Variants in RBFOX1 observed in about 807,000 individuals in gnomAD.
RBFOX1 encodes the protein RNA binding fox-1 homolog 1.
Under a neutral mutation model 57.7 loss-of-function variants are expected in RBFOX1, and 8 were observed. That is an observed-to-expected ratio of 0.14 (90% CI 0.08 to 0.25). The LOEUF (loss-of-function observed/expected upper bound fraction) is 0.25, where lower values mean the gene tolerates loss of function less well. Among genes scored for constraint, RBFOX1 ranks in the 10% least tolerant of loss-of-function variants. The pLI, the probability that RBFOX1 is intolerant of heterozygous loss-of-function variation, is 1.00. For missense variants in RBFOX1, 611 were observed against 548.5 expected, an observed-to-expected ratio of 1.11 and a Z score of -1.14; for synonymous variants, 326 against 222.4, an observed-to-expected ratio of 1.47 and a Z score of -4.15.
chr16:5,415,041 A>T (rs571728443), intron 1 of RBFOX1, among the ~76,000 whole-genome samples: 1 of 152,260 alleles, frequency 6.6e-6, no homozygotes, highest in East Asian at 1.9e-4. Flanking sequence ...GACCCCGTTT[A>T]TCATTCCCAT....
At chr16:7,009,311 T>C (rs2093531172) in intron 3 of RBFOX1, among the ~76,000 whole-genome samples, 1 of 149,514 alleles carries the variant, frequency 6.7e-6, no homozygotes, top group South Asian at 2.2e-4. Context: ...CTTCCTTCTT[T>C]CTCTTTCTTT....
chr16:7,328,816 A>G (rs575683701), intron 4 of RBFOX1: 1 of 152,142 alleles, frequency 6.6e-6, no homozygotes, highest in Non-Finnish European at 1.5e-5. Flanking sequence ...AGTATTTGCC[A>G]TTGTCTTGAA....
chr16:6,163,152 C>T (rs2096891957), intron 1 of RBFOX1, among the ~76,000 whole-genome samples: 2 of 152,214 alleles, frequency 1.3e-5, no homozygotes, highest in African/African-American at 2.4e-5. Context: ...AAGTAGATAC[C>T]TAGAATGGGA....
chr16:7,141,032 T>C (rs1008274777), intron 4 of RBFOX1, among the ~76,000 whole-genome samples: 1 of 152,138 alleles, frequency 6.6e-6, no homozygotes, highest in African/African-American at 2.4e-5. Context: ...TTTGCAGAGC[T>C]CTGCCAGGAA....
At chr16:6,836,610 G>A (rs1402006850) in intron 3 of RBFOX1, among the ~76,000 whole-genome samples, 1 of 152,168 alleles carries the variant, frequency 6.6e-6, no homozygotes, top group Non-Finnish European at 1.5e-5. Context: ...CTCAAGGGGT[G>A]TATCTTCTGT....
chr16:6,172,286 A>G (rs1203323480), intron 1 of RBFOX1, among the ~76,000 whole-genome samples: 1 of 151,348 alleles, frequency 6.6e-6, no homozygotes, highest in Admixed American at 6.6e-5. Flanking sequence ...GGGAGATACA[A>G]CGTCCTCATC....
chr16:5,420,695 G>A (rs1474477399), intron 1 of RBFOX1, among the ~76,000 whole-genome samples: 1 of 152,028 alleles, frequency 6.6e-6, no homozygotes, highest in Non-Finnish European at 1.5e-5. Flanking sequence ...CACCATGCCT[G>A]GCTAATTTTT....
intron 3 of RBFOX1, among the ~76,000 whole-genome samples, chr16:6,860,281 T>A (rs2058758809): frequency 6.6e-6 from 1 of 152,222 alleles, no homozygotes; most frequent in South Asian, 2.1e-4. Flanking sequence ...AATACATTAT[T>A]TAATGTCTGA....
intron 3 of RBFOX1, among the ~76,000 whole-genome samples, chr16:5,848,290 T>G (rs945722406): frequency 2.0e-5 from 3 of 152,170 alleles, no homozygotes; most frequent in Non-Finnish European, 4.4e-5. Flanking sequence ...CCACCACCAG[T>G]GGACTCTATC....
At chr16:5,346,915 T>C (rs2065152625) in intron 1 of RBFOX1, among the ~76,000 whole-genome samples, 1 of 152,226 alleles carries the variant, frequency 6.6e-6, no homozygotes. Flanking sequence ...GCATTCAGAA[T>C]GGACCCTGGC....
intron 11 of RBFOX1, among the ~76,000 whole-genome samples, chr16:7,651,380 A>G (rs1305491554): frequency 1.3e-5 from 2 of 152,146 alleles, no homozygotes; most frequent in Non-Finnish European, 2.9e-5. Context: ...TACCCTATCT[A>G]TGGGTGTAGG....
intron 4 of RBFOX1, among the ~76,000 whole-genome samples, chr16:7,100,461 C>A (rs1567255278): frequency 6.6e-6 from 1 of 151,944 alleles, no homozygotes; most frequent in Admixed American, 6.6e-5. Context: ...TACCCATTTT[C>A]CTCCAAAACA....
At chr16:5,436,070 A>G (rs756882599) in intron 1 of RBFOX1, among the ~76,000 whole-genome samples, 1 of 152,196 alleles carries the variant, frequency 6.6e-6, no homozygotes, top group Non-Finnish European at 1.5e-5. Flanking sequence ...CCGTCTTCAT[A>G]TTTGGCCTCC....
chr16:6,498,631 C>A (rs538389301), intron 2 of RBFOX1, among the ~76,000 whole-genome samples: 1 of 152,142 alleles, frequency 6.6e-6, no homozygotes, highest in Non-Finnish European at 1.5e-5. Context: ...TAGTTCCTAG[C>A]ACAATGTCTG....
intron 2 of RBFOX1, among the ~76,000 whole-genome samples, chr16:6,587,218 C>G (rs1355916932): frequency 1.3e-5 from 2 of 152,140 alleles, no homozygotes; most frequent in Non-Finnish European, 2.9e-5. Context: ...ATTCTGTTCT[C>G]TGCATTTATG....
intron 3 of RBFOX1, among the ~76,000 whole-genome samples, chr16:5,760,288 A>G (rs2053547385): frequency 6.6e-6 from 1 of 152,142 alleles, no homozygotes; most frequent in Non-Finnish European, 1.5e-5. Context: ...ATTGGTAAAC[A>G]AGACAAAATT....
chr16:6,357,552 T>G (rs993946003), intron 2 of RBFOX1, among the ~76,000 whole-genome samples: 1 of 151,362 alleles, frequency 6.6e-6, no homozygotes, highest in Admixed American at 6.6e-5. Context: ...GCACAAGCGC[T>G]CTCTCTCTTG....
intron 4 of RBFOX1, among the ~76,000 whole-genome samples, chr16:7,174,962 A>G (rs1306908460): frequency 6.6e-6 from 1 of 152,166 alleles, no homozygotes; most frequent in African/African-American, 2.4e-5. Flanking sequence ...GTGATATCTC[A>G]TCATCATGGC....
At chr16:6,183,047 A>G (rs188144877) in intron 1 of RBFOX1, among the ~76,000 whole-genome samples, 1 of 152,332 alleles carries the variant, frequency 6.6e-6, no homozygotes, top group African/African-American at 2.4e-5. Context: ...AGTTCCAGGC[A>G]GTCTTTTAGA....
Sources: allele counts gnomAD v4.1 joint callset (sites outside exome capture counted in the v4.1 genomes callset), GRCh38; gene constraint gnomAD v4.1.1; transcripts MANE v1.5; gene names NCBI Gene and HGNC (gene_info 2026-07-23, HGNC 2026-07-21).